The following PAK3 variants were observed in gnomAD, a reference collection of about 807,000 sequenced individuals.
The protein encoded by PAK3 is serine/threonine-protein kinase PAK 3.
In PAK3, 4 loss-of-function variants were observed where a neutral mutation model predicts 41.0. The ratio of observed to expected loss-of-function variants is 0.10; its 90% CI spans 0.05 to 0.22. The LOEUF is 0.22. PAK3 is among the 10% of genes least tolerant of loss of function. PAK3 has a pLI of 1.00. For missense variants in PAK3, 205 were observed against 409.9 expected (o/e 0.50, Z 4.32); for synonymous variants, 146 against 139.6 (o/e 1.05, Z -0.32).
intron 1 of PAK3, among the ~76,000 whole-genome samples, chrX:111,059,987 G>T (rs73539048): frequency 0.046 from 5,181 of 111,502 alleles, 290 homozygotes; most frequent in African/African-American, 0.16. Context: ...AGTGGTGAGA[G>T]TAGACATTCA....
At chrX:111,175,753 C>T (rs985684233) in intron 11 of PAK3, among the ~76,000 whole-genome samples, 2 of 111,806 alleles carry the variant, frequency 1.8e-5, no homozygotes, top group African/African-American at 6.5e-5. Flanking sequence ...GAACAAAGAT[C>T]AGGCCACCAA....
At chrX:111,189,977 G>C (rs1311149172) in intron 11 of PAK3, among the ~76,000 whole-genome samples, 1 of 111,837 alleles carries the variant, frequency 8.9e-6, no homozygotes, top group Non-Finnish European at 1.9e-5. Flanking sequence ...TTGCATGTTT[G>C]CTTTAAAAGA....
intron 11 of PAK3, among the ~76,000 whole-genome samples, chrX:111,182,733 T>C (rs2094473592): frequency 9.0e-6 from 1 of 111,150 alleles, no homozygotes; most frequent in Non-Finnish European, 1.9e-5. Flanking sequence ...TCAGGTGCGT[T>C]AGTATAGTGA....
In PAK3 at chrX:110,950,460, C is replaced by T. The variant is rs1391175879; in HGVS notation, c.-28+5832C>T. Among the ~76,000 whole-genome samples the T allele has an allele frequency of 4.5e-5, 5 of 111,296 alleles. No individual in the cohort carries two copies. In the East Asian group the frequency reaches 1.4e-3, roughly 32 times the overall value. Reference sequence around the variant, plus strand: ...TTCTGGGATACATGTGCAGAATGTGCAGGTTTGTTACATAGGTATACATGT... The same window carrying T: ...TTCTGGGATACATGTGCAGAATGTGTAGGTTTGTTACATAGGTATACATGT... On this transcript the variant is annotated intron_variant, in intron 1 of 14. Coordinates refer to the PAK3 transcript ENST00000425146.
chrX:111,081,825 G>C (rs2092837099), intron 1 of PAK3, among the ~76,000 whole-genome samples: 1 of 111,145 alleles, frequency 9.0e-6, no homozygotes, highest in Admixed American at 9.6e-5. Flanking sequence ...ATATTCTCCT[G>C]TATATTTTTC....
intron 5 of PAK3, among the ~76,000 whole-genome samples, chrX:111,135,002 T>C (rs1434345515): frequency 9.0e-6 from 1 of 110,876 alleles, no homozygotes; most frequent in Non-Finnish European, 1.9e-5. Context: ...CTGAAGGCAA[T>C]GGGGGAATAT....
At chrX:111,164,697 A>C (rs1366671630) in intron 10 of PAK3, among the ~76,000 whole-genome samples, 1 of 112,032 alleles carries the variant, frequency 8.9e-6, no homozygotes, top group African/African-American at 3.2e-5. Context: ...GTGAATGAAA[A>C]AAATAAGTAA....
rs1603301477 is a variant in PAK3, at chrX:111,147,664, A to G, written c.277-73A>G. The G allele has an allele frequency of 4.0e-6, 3 of 749,994 alleles. No homozygotes were observed. In the East Asian group the frequency reaches 9.5e-5, roughly 24 times the overall value. 61.8% of individuals were successfully genotyped at this position (749,994 alleles called of 1,213,427 possible). On this transcript the variant is annotated intron_variant, in intron 6 of 17. Coordinates refer to ENST00000372007, the MANE Select transcript of PAK3 (RefSeq NM_002578.5). The stretch of plus-strand genomic sequence containing the variant: ...AGGTAGCATGGGCTTCTTGGTGAAG[A>G]ACTTTACTGGAACATAAAAATGCTG...
intron 1 of PAK3, among the ~76,000 whole-genome samples, chrX:111,072,741 G>A (rs1603108842): frequency 2.7e-5 from 3 of 112,316 alleles, no homozygotes; most frequent in African/African-American, 9.7e-5. Flanking sequence ...AATCTGATAA[G>A]ATATGATGGT....
intron 1 of PAK3, among the ~76,000 whole-genome samples, chrX:111,039,531 C>T (rs1260341460): frequency 8.9e-6 from 1 of 111,833 alleles, no homozygotes; most frequent in East Asian, 2.8e-4. Context: ...TCACTAAAGA[C>T]CAGAAGAAGT....
intron 1 of PAK3, among the ~76,000 whole-genome samples, chrX:110,956,768 C>G (rs1311679628): frequency 1.8e-5 from 2 of 111,789 alleles, no homozygotes; most frequent in African/African-American, 6.5e-5. Flanking sequence ...GACATTCCTC[C>G]AAGACAACTG....
intron 1 of PAK3, among the ~76,000 whole-genome samples, chrX:111,040,129 T>C (rs919341450): frequency 5.4e-5 from 6 of 110,793 alleles, no homozygotes; most frequent in Admixed American, 2.9e-4. Context: ...AGACTGCCAC[T>C]CAGCAACTGC....
intron 1 of PAK3, among the ~76,000 whole-genome samples, chrX:111,024,207 T>G (rs1441701564): frequency 4.5e-5 from 5 of 111,781 alleles, no homozygotes; most frequent in African/African-American, 1.6e-4. Context: ...TGGTTGTAGA[T>G]GTGTGGTGTT....
intron 1 of PAK3, among the ~76,000 whole-genome samples, chrX:110,987,524 T>A (rs1264714524): frequency 8.9e-6 from 1 of 111,957 alleles, no homozygotes; most frequent in Non-Finnish European, 1.9e-5. Flanking sequence ...AGCTTGGCTG[T>A]GAACTTGCCG....
chrX:111,169,837 A>T (rs902649772), intron 10 of PAK3, among the ~76,000 whole-genome samples: 25 of 112,075 alleles, frequency 2.2e-4, no homozygotes, highest in African/African-American at 8.1e-4. Flanking sequence ...CTTAGAGCAT[A>T]AAGTTCTAGT....
intron 1 of PAK3, among the ~76,000 whole-genome samples, chrX:111,032,759 G>T (rs955320576): frequency 7.2e-5 from 8 of 110,553 alleles, no homozygotes; most frequent in Admixed American, 5.8e-4. Flanking sequence ...AGATTGGCTC[G>T]ATTGTCAAGG....
At chrX:111,058,578 T>C (rs907554711) in intron 1 of PAK3, among the ~76,000 whole-genome samples, 1 of 111,828 alleles carries the variant, frequency 8.9e-6, no homozygotes, top group Non-Finnish European at 1.9e-5. Context: ...ATAAAAGTGC[T>C]TCAGGAGATT....
At chrX:110,989,795 C>A (rs1304916834) in intron 1 of PAK3, among the ~76,000 whole-genome samples, 1 of 111,558 alleles carries the variant, frequency 9.0e-6, no homozygotes, top group Admixed American at 9.5e-5. Flanking sequence ...ATGCTGGCTG[C>A]CTCCCTTCTG....
chrX:111,015,307 C>T (rs1456542060), intron 1 of PAK3, among the ~76,000 whole-genome samples: 1 of 110,743 alleles, frequency 9.0e-6, no homozygotes, highest in Admixed American at 9.6e-5. Flanking sequence ...GAATAATATT[C>T]CACTGTATGG....
Sources: allele counts gnomAD v4.1 joint callset (sites outside exome capture counted in the v4.1 genomes callset), GRCh38; gene constraint gnomAD v4.1.1; transcripts MANE v1.5; gene names NCBI Gene and HGNC (gene_info 2026-07-23, HGNC 2026-07-21).